Variants in STK32B observed in about 807,000 individuals in gnomAD.
The protein encoded by STK32B is serine/threonine-protein kinase 32B.
Under a neutral mutation model 52.6 loss-of-function variants are expected in STK32B, and 43 were observed. The observed-to-expected ratio is 0.82, with a 90% CI of 0.64 to 1.05. STK32B has a LOEUF of 1.05. Among genes scored for constraint, STK32B ranks in the 50% least tolerant of loss-of-function variants. The pLI is 0.00. For missense variants in STK32B, 621 were observed against 534.6 expected (o/e 1.16, Z -1.59); for synonymous variants, 238 against 204.3 (o/e 1.17, Z -1.41).
chr4:5,397,053 G>A (rs1026211723), intron 4 of STK32B, among the ~76,000 whole-genome samples: 3 of 152,124 alleles, frequency 2.0e-5, no homozygotes, highest in Admixed American at 6.5e-5. Flanking sequence ...TAGGTTGAGC[G>A]CTTCTTTCAT....
intron 3 of STK32B, among the ~76,000 whole-genome samples, chr4:5,199,110 A>T (rs1721921523): frequency 6.6e-6 from 1 of 152,082 alleles, no homozygotes; most frequent in South Asian, 2.1e-4. Flanking sequence ...CATTACAGAG[A>T]TCCTTTACAG....
At chr4:5,186,715 G>A (rs956677031) in intron 3 of STK32B, among the ~76,000 whole-genome samples, 4 of 152,050 alleles carry the variant, frequency 2.6e-5, no homozygotes, top group African/African-American at 9.7e-5. Flanking sequence ...AGTCTCCAGC[G>A]CCTCCTCGAC....
At chr4:5,316,424 T>C (rs1170504303) in intron 3 of STK32B, among the ~76,000 whole-genome samples, 1 of 24,214 alleles carries the variant, frequency 4.1e-5, no homozygotes, top group Non-Finnish European at 5.2e-5. Flanking sequence ...ATATATTACA[T>C]ATATAATATA....
chr4:5,152,900 T>G (rs565409392), intron 2 of STK32B, among the ~76,000 whole-genome samples: 1 of 152,342 alleles, frequency 6.6e-6, no homozygotes, highest in East Asian at 1.9e-4. Flanking sequence ...ATGTTGGGCT[T>G]CCAGTATTTG....
In STK32B at chr4:5,499,291, G is replaced by A; in HGVS notation, c.*208G>A. On this transcript the variant is annotated 3_prime_UTR_variant, in exon 12 of 12. Coordinates refer to ENST00000282908, the MANE Select transcript of STK32B (RefSeq NM_018401.3). ...CTCAGACAAGTCACGCCCTCTCTGT[G>A]CCTCCGTTTTCTGCATCTGCCAAAG... The A allele has an allele frequency of 3.6e-6, 2 of 551,874 alleles. No individual in the cohort carries two copies. The highest frequency in any genetic ancestry group is 5.6e-6 in the Non-Finnish European group (2 of 356,356). 34.2% of individuals were successfully genotyped at this position (551,874 alleles called of 1,614,324 possible).
In STK32B at chr4:5,456,063, G is replaced by T. The variant is rs369585145; in HGVS notation, c.667-744G>T. 5.1e-4 allele frequency among the ~76,000 whole-genome samples: 78 copies of T among 152,258 alleles called. 4 individuals carry two copies. The South Asian group carries it at 0.011, about 21-fold the overall frequency. The stretch of plus-strand genomic sequence containing the variant: ...GTTCATGGGGGTTGGGGCAGGGGGA[G>T]CGGGGACCGGGAGTGCACTGCTGCT... On this transcript the variant is annotated intron_variant, in intron 7 of 11. Transcript: ENST00000282908.
intron 5 of STK32B, among the ~76,000 whole-genome samples, chr4:5,408,756 A>C (rs1391590328): frequency 6.6e-6 from 1 of 152,114 alleles, no homozygotes; most frequent in Admixed American, 6.6e-5. Flanking sequence ...CCCTGTCTTC[A>C]TGAGGCACAC....
rs145766669 is a variant in STK32B at position 5,339,948 on chromosome 4, A to T, written c.434+8555A>T. Reference sequence around the variant, plus strand: ...TTTCCTATATACTCTGGGTGACGAAACTCCATCCTTTGAGGATGGTGTTAT... The same window carrying T: ...TTTCCTATATACTCTGGGTGACGAATCTCCATCCTTTGAGGATGGTGTTAT... On this transcript the variant is annotated intron_variant, in intron 4 of 11. Coordinates refer to ENST00000282908, the MANE Select transcript of STK32B (RefSeq NM_018401.3). Among the ~76,000 whole-genome samples, 595 of 152,234 alleles carry T rather than the reference A, an allele frequency of 3.9e-3. 2 individuals are homozygous for T. The highest frequency in any genetic ancestry group is 0.014 in the African/African-American group (570 of 41,544).
the STK32B span, among the ~76,000 whole-genome samples, chr4:5,028,863 G>A: frequency 6.6e-6 from 1 of 152,198 alleles, no homozygotes; most frequent in Admixed American, 6.5e-5. Flanking sequence ...TTGGCTTATG[G>A]TTCGGTAAGC....
chr4:5,227,393 C>T (rs1320650892), intron 3 of STK32B, among the ~76,000 whole-genome samples: 1 of 152,186 alleles, frequency 6.6e-6, no homozygotes, highest in Admixed American at 6.5e-5. Context: ...AGACCTTCCA[C>T]ATATTGGCAT....
chr4:5,034,580 G>A, the STK32B span, among the ~76,000 whole-genome samples: 1 of 152,332 alleles, frequency 6.6e-6, no homozygotes, highest in African/African-American at 2.4e-5. Flanking sequence ...TCGTACCACA[G>A]TTTGTGCCTG....
chr4:5,282,981 T>C (rs1302103818), intron 3 of STK32B, among the ~76,000 whole-genome samples: 2 of 152,148 alleles, frequency 1.3e-5, no homozygotes, highest in Non-Finnish European at 2.9e-5. Context: ...TACATTATGA[T>C]TTACTGTAGT....
At chr4:5,147,559 G>T (rs1286636130) in intron 2 of STK32B, among the ~76,000 whole-genome samples, 1 of 152,014 alleles carries the variant, frequency 6.6e-6, no homozygotes, top group Non-Finnish European at 1.5e-5. Context: ...TTACCTGTAA[G>T]TTTTTCAGAG....
intron 1 of STK32B, among the ~76,000 whole-genome samples, chr4:5,113,926 GCC>G (rs533816601): frequency 0.027 from 769 of 28,792 alleles, 4 homozygotes; most frequent in African/African-American, 0.081. Context: ...AGGGAAACCC[GCC>G]CCCCTTTTTA....
intron 1 of STK32B, among the ~76,000 whole-genome samples, chr4:5,057,170 T>C (rs1742039230): frequency 6.6e-6 from 1 of 152,242 alleles, no homozygotes; most frequent in South Asian, 2.1e-4. Flanking sequence ...ATTTCTTGCA[T>C]TCCTTTGGGT....
intron 3 of STK32B, among the ~76,000 whole-genome samples, chr4:5,198,733 C>T (rs141204677): frequency 2.0e-5 from 3 of 152,294 alleles, no homozygotes; most frequent in Admixed American, 1.3e-4. Context: ...ACCTGGCAGA[C>T]GGCTAGACTT....
intron 6 of STK32B, among the ~76,000 whole-genome samples, chr4:5,423,578 A>C (rs1456112917): frequency 6.6e-6 from 1 of 152,230 alleles, no homozygotes; most frequent in Non-Finnish European, 1.5e-5. Flanking sequence ...TATGCTAAAT[A>C]CTGGGAACAC....
At chr4:5,384,813 C>T (rs1329498879) in intron 4 of STK32B, among the ~76,000 whole-genome samples, 2 of 152,084 alleles carry the variant, frequency 1.3e-5, no homozygotes, top group Non-Finnish European at 1.5e-5. Context: ...AAGGAAGGGG[C>T]TGTGACGATT....
chr4:5,210,156 G>A (rs1722819502), intron 3 of STK32B, among the ~76,000 whole-genome samples: 1 of 152,094 alleles, frequency 6.6e-6, no homozygotes, highest in Non-Finnish European at 1.5e-5. Flanking sequence ...TGTTACAAAG[G>A]CATAATGTTG....
Sources: gnomAD v4.1 joint callset for allele counts (sites outside exome capture counted in the v4.1 genomes callset) on GRCh38, gnomAD v4.1.1 for gene constraint, MANE v1.5 for transcripts, NCBI Gene and HGNC (gene_info 2026-07-23, HGNC 2026-07-21) for gene names.